The following FCSK variants were observed in gnomAD, a reference collection of about 807,000 sequenced individuals.
FCSK encodes fucose kinase.
A neutral mutation model predicts 122.5 loss-of-function variants in FCSK; 123 were observed. The observed-to-expected ratio is 1.00, with a 90% CI of 0.87 to 1.17. FCSK has a LOEUF of 1.17. FCSK is among the 50% of genes most tolerant of loss of function. The probability of loss-of-function intolerance (pLI) is 0.00; values close to 1 mark genes in which losing one functional copy is unlikely to be tolerated. For missense variants in FCSK, 1,366 were observed against 1,450.4 expected, an observed-to-expected ratio of 0.94 and a Z score of 0.95; for synonymous variants, 620 against 625.5, an observed-to-expected ratio of 0.99 and a Z score of 0.13.
At chr16:70,467,308 C>A in intron 6 of FCSK, 66 bp from the exon 7 acceptor site, 1 of 1,186,526 alleles carries the variant, frequency 8.4e-7, no homozygotes, top group Non-Finnish European at 1.2e-6. Context: ...CTTGCTTCCA[C>A]CTGGTGGGGA....
intron 1 of FCSK, among the ~76,000 whole-genome samples, chr16:70,460,890 G>T (rs956960000): frequency 6.6e-6 from 1 of 152,234 alleles, no homozygotes; most frequent in African/African-American, 2.4e-5. Context: ...ACTCCCTGCT[G>T]CAGCTGACCT....
In FCSK at chr16:70,467,367, C is replaced by A; in HGVS notation, c.485-7C>A. 1 of 1,601,488 alleles carries A rather than the reference C, an allele frequency of 6.2e-7. No individual in the cohort carries two copies. The highest frequency in any genetic ancestry group is 8.5e-7 in the Non-Finnish European group (1 of 1,174,158). The stretch of plus-strand genomic sequence containing the variant: ...CCTGGGAGCCTCCTGACTGCCCCAC[C>A]CCACAGGTATCAGCTGGGACAGCTT... On this transcript the variant is annotated splice_polypyrimidine_tract_variant and splice_region_variant and intron_variant, in intron 6 of 23. Coordinates refer to ENST00000288078, the MANE Select transcript of FCSK (RefSeq NM_145059.3).
chr16:70,478,238 T>G (rs768440600), intron 20 of FCSK, 34 bp from the exon 21 acceptor site: 3 of 1,607,612 alleles, frequency 1.9e-6, no homozygotes, highest in South Asian at 1.1e-5. Context: ...CTGGGCCAGA[T>G]AGACTCCAAC....
Position 70,479,753 on chromosome 16 carries a change from C to G in FCSK, c.*73C>G. The G allele has an allele frequency of 8.6e-7, 1 of 1,164,060 alleles. No individual in the cohort carries two copies. Among genetic ancestry groups the G allele is most frequent in the Non-Finnish European group, 1.2e-6 (1 of 802,504 alleles). The allele number at this position is 1,164,060 out of a possible 1,614,324, so 72.1% of individuals were successfully genotyped here. A position where few individuals can be genotyped will look rare whatever the true frequency, so the allele number is the denominator to read the frequency against. The stretch of plus-strand genomic sequence containing the variant: ...CCCACCTTCCTTGCCCCATGGGAAC[C>G]TCCACCTCCTACTCCCCACCCACCT... On this transcript the variant is annotated 3_prime_UTR_variant, in exon 24 of 24. Coordinates refer to ENST00000288078, the MANE Select transcript of FCSK (RefSeq NM_145059.3).
chr16:70,458,332 G>T (rs1264047669), intron 1 of FCSK, among the ~76,000 whole-genome samples: 2 of 150,946 alleles, frequency 1.3e-5, no homozygotes, highest in African/African-American at 4.9e-5. Context: ...GCTAATTTTT[G>T]AATTTTTGGT....
chr16:70,468,775 A>T, intron 8 of FCSK, 74 bp from the exon 9 acceptor site: 1 of 1,585,094 alleles, frequency 6.3e-7, no homozygotes. Context: ...GCCCATCTGC[A>T]TGTGCCCTCC....
At chr16:70,479,067 G>C in intron 22 of FCSK, 113 bp from the exon 23 acceptor site, 1 of 842,886 alleles carries the variant, frequency 1.2e-6, no homozygotes, top group Non-Finnish European at 1.9e-6. Context: ...ACTGGAATCC[G>C]GCTTCTTTAC....
chr16:70,464,196 G>A (rs779536965), intron 3 of FCSK, among the ~76,000 whole-genome samples: 18 of 152,158 alleles, frequency 1.2e-4, no homozygotes, highest in Admixed American at 5.9e-4. Flanking sequence ...TGTCTGCATA[G>A]CATCTTTGTG....
rs1393851258 is a variant in FCSK at position 70,472,550 on chromosome 16, G to A, written c.1351G>A (p.Ala451Thr). ...GRLDSWERQG[A>T]GTYLNVPWSE... ...TCTTCCTCTCCCCCAGAGACAGGGG[G>A]CAGGCACATATCTCAACGTGCCCTG... The change falls in exon 14 of 24, where the codon GCA (alanine) becomes ACA (threonine). Residue 451 changes from alanine (A) to threonine (T), a missense_variant. Ala to Thr is a moderately conservative substitution (Grantham distance 58). Coordinates refer to ENST00000288078, the MANE Select transcript of FCSK (RefSeq NM_145059.3). 7 of 1,612,588 alleles carry A rather than the reference G, an allele frequency of 4.3e-6. No homozygotes were observed. Among genetic ancestry groups the A allele is most frequent in the Non-Finnish European group, 5.9e-6 (7 of 1,179,326 alleles).
rs1171505685 is a variant in FCSK, at chr16:70,472,476, G to T, written c.1342-65G>T. 5 of 1,345,690 alleles carry T rather than the reference G, an allele frequency of 3.7e-6. No individual in the cohort carries two copies. The African/African-American group carries it at 7.3e-5, about 20-fold the overall frequency. 83.4% of individuals were successfully genotyped at this position (1,345,690 alleles called of 1,614,324 possible). The stretch of plus-strand genomic sequence containing the variant: ...GCACTTGAGCAGCTCCTGGCCCCCT[G>T]GCCGAGTGTCTCTAACCCTTTCCTG... On this transcript the variant is annotated intron_variant, in intron 13 of 23. Coordinates refer to ENST00000288078, the MANE Select transcript of FCSK (RefSeq NM_145059.3).
chr16:70,457,176 C>T (rs1344479553), intron 1 of FCSK, among the ~76,000 whole-genome samples: 1 of 152,172 alleles, frequency 6.6e-6, no homozygotes, highest in Non-Finnish European at 1.5e-5. Flanking sequence ...TGGCCATGAC[C>T]TGTCACCTGC....
rs774459603 is a variant in FCSK, at chr16:70,478,522, C to T, written c.2830-29C>T. The T allele has an allele frequency of 5.0e-6, 8 of 1,613,342 alleles. No homozygotes were observed. The East Asian group carries it at 1.6e-4, about 31-fold the overall frequency. On this transcript the variant is annotated intron_variant, in intron 21 of 23. Transcript: ENST00000288078. ...GGCCTGCCAGCTGGGCCTGGGTCCT[C>T]ACCACCCCTTCTCCTGCCCCGTCCG...
chr16:70,469,462 C>A (rs1030850655), intron 10 of FCSK, 139 bp downstream of exon 10: 12 of 707,662 alleles, frequency 1.7e-5, no homozygotes, highest in Non-Finnish European at 2.5e-5. Context: ...CCAGAGCCCC[C>A]CACTGAGCTA....
chr16:70,478,172 C>A, intron 20 of FCSK, 100 bp from the exon 21 acceptor site: 1 of 1,210,048 alleles, frequency 8.3e-7, no homozygotes, highest in Non-Finnish European at 1.2e-6. Context: ...AGCTATCTTT[C>A]CACACTGGTC....
At chr16:70,472,222 T>C (rs1481338406) in intron 13 of FCSK, among the ~76,000 whole-genome samples, 2 of 152,200 alleles carry the variant, frequency 1.3e-5, no homozygotes, top group East Asian at 1.9e-4. Context: ...CCCAGGGTTC[T>C]GCTCCAGATT....
intron 1 of FCSK, among the ~76,000 whole-genome samples, chr16:70,455,366 T>A (rs2048058369): frequency 6.6e-6 from 1 of 152,190 alleles, no homozygotes; most frequent in South Asian, 2.1e-4. Flanking sequence ...ATGCCTGTAA[T>A]CCCAGCTACT....
chr16:70,463,040 T>C, intron 1 of FCSK, 129 bp from the exon 2 acceptor site: 1 of 543,616 alleles, frequency 1.8e-6, no homozygotes, highest in South Asian at 2.7e-5. Flanking sequence ...GGAAGTTTTT[T>C]TGAGTGTAGA....
intron 4 of FCSK, 118 bp downstream of exon 4, chr16:70,465,294 C>A: frequency 5.8e-6 from 6 of 1,033,500 alleles, no homozygotes; most frequent in Non-Finnish European, 8.3e-6. Flanking sequence ...CTGAAAGATT[C>A]TAAATGTCCA....
intron 1 of FCSK, among the ~76,000 whole-genome samples, chr16:70,457,416 G>A (rs1044500648): frequency 2.0e-5 from 3 of 151,960 alleles, no homozygotes; most frequent in Non-Finnish European, 2.9e-5. Context: ...CACTACACCC[G>A]GCTAATTTTT....
Sources: allele counts gnomAD v4.1 joint callset (sites outside exome capture counted in the v4.1 genomes callset), GRCh38; gene constraint gnomAD v4.1.1; transcripts MANE v1.5; gene names NCBI Gene and HGNC (gene_info 2026-07-23, HGNC 2026-07-21).